Variants in ANK3 observed in about 807,000 individuals in gnomAD.
ANK3 encodes ankyrin-3.
A neutral mutation model predicts 370.9 loss-of-function variants in ANK3; 57 were observed. The observed-to-expected ratio is 0.15, with a 90% CI of 0.12 to 0.19. The LOEUF (loss-of-function observed/expected upper bound fraction) is 0.19. Ranked by LOEUF, ANK3 falls within the 10% of genes least tolerant of loss-of-function variation. The probability of loss-of-function intolerance (pLI) is 1.00; values close to 1 mark genes in which losing one functional copy is unlikely to be tolerated. For missense variants in ANK3, 4,439 were observed against 5,302.1 expected (o/e 0.84, Z 5.06); for synonymous variants, 1,929 against 1,946.3 (o/e 0.99, Z 0.23).
Position 60,055,691 on chromosome 10 carries a change from A to C in ANK3, c.13032T>G (p.His4344Gln). Reference protein sequence around the residue: ...PADGKPRLSLHEEEGSSGSEQ... With the variant: ...PADGKPRLSLQEEEGSSGSEQ... ...CAGACCCACTGGACCCCTCTTCTTC[A>C]TGGAGGCTAAGCCTTGGCTTGCCAT... The change falls in exon 42 of 44, where the codon CAT becomes CAG. Residue 4344 changes from histidine (H) to glutamine (Q), a missense_variant. Transcript: ENST00000280772. The C allele has an allele frequency of 6.2e-7, 1 of 1,613,274 alleles. No homozygotes were observed. The highest frequency in any genetic ancestry group is 1.1e-5 in the South Asian group (1 of 91,008).
intron 2 of ANK3, among the ~76,000 whole-genome samples, chr10:60,570,805 G>A (rs1326448825): frequency 2.6e-5 from 4 of 152,108 alleles, no homozygotes; most frequent in African/African-American, 7.2e-5. Flanking sequence ...AACCTCATAT[G>A]AGGAGACATG....
intron 31 of ANK3, 72 bp from the exon 32 acceptor site, chr10:60,084,902 T>G: frequency 8.5e-7 from 1 of 1,172,468 alleles, no homozygotes; most frequent in Non-Finnish European, 1.2e-6. Flanking sequence ...GACTCACAAT[T>G]AAAAAAATCA....
At chr10:60,730,227 C>G (rs956686251) in intron 1 of ANK3, among the ~76,000 whole-genome samples, 1 of 152,074 alleles carries the variant, frequency 6.6e-6, no homozygotes, top group Non-Finnish European at 1.5e-5. Flanking sequence ...GCATGAGTAT[C>G]ACTTACTGTG....
chr10:60,408,456 G>A (rs1283304917), intron 2 of ANK3, among the ~76,000 whole-genome samples: 1 of 152,112 alleles, frequency 6.6e-6, no homozygotes, highest in Admixed American at 6.6e-5. Context: ...ATGTGAAGAT[G>A]CTCGCTCCTG....
At chr10:60,137,388 A>AAAAAAC (rs1392521789) in intron 24 of ANK3, 3 of 367,690 alleles carry the variant, frequency 8.2e-6, no homozygotes, top group African/African-American at 2.2e-5. Flanking sequence ...AAAAAAAAAA[A>AAAAAAC]AAAACAAGAA....
At chr10:60,718,665 T>G (rs2079822215) in intron 1 of ANK3, among the ~76,000 whole-genome samples, 1 of 152,148 alleles carries the variant, frequency 6.6e-6, no homozygotes, top group Non-Finnish European at 1.5e-5. Context: ...ACCAAAAACC[T>G]TAACTAGGGA....
chr10:60,726,425 A>G (rs2079941773), intron 1 of ANK3, among the ~76,000 whole-genome samples: 1 of 152,238 alleles, frequency 6.6e-6, no homozygotes. Context: ...AAGGTTCAAC[A>G]GTAAACACTA....
At position 60,068,859 on chromosome 10, in the gene ANK3, A is replaced by G. The variant is rs1229951495; in HGVS notation, c.12022T>C (p.Leu4008=). ...TCAGAGAGGCGGTCCACAAGCTTTA[A>G]GGTCTCACCACTAATTCCCTTAAAA... The part of the protein sequence containing the change: ...EYFKGISGET[L]KLVDRLSEEE... The change falls in exon 37 of 44, where the codon TTA becomes CTA. Residue 4008 remains leucine, a synonymous_variant. Coordinates refer to ENST00000280772, the MANE Select transcript of ANK3 (RefSeq NM_020987.5). The G allele has an allele frequency of 7.4e-6, 12 of 1,613,982 alleles. No homozygotes were observed. In the African/African-American group the frequency reaches 1.2e-4, roughly 16 times the overall value.
chr10:60,355,390 G>A (rs529643635), intron 1 of ANK3, among the ~76,000 whole-genome samples: 1 of 152,028 alleles, frequency 6.6e-6, no homozygotes, highest in Non-Finnish European at 1.5e-5. Context: ...TTTAGCTTTT[G>A]TGCCACTGTC....
At chr10:60,210,298 G>C (rs1316514486) in intron 9 of ANK3, among the ~76,000 whole-genome samples, 1 of 152,118 alleles carries the variant, frequency 6.6e-6, no homozygotes, top group East Asian at 1.9e-4. Flanking sequence ...TGGCCAGATG[G>C]CACTGGCAGG....
intron 2 of ANK3, among the ~76,000 whole-genome samples, chr10:60,421,600 G>C (rs1419708078): frequency 1.3e-5 from 2 of 151,914 alleles, no homozygotes; most frequent in Non-Finnish European, 2.9e-5. Context: ...ATAGTGGCAT[G>C]GTCTTGTGAC....
At chr10:60,036,433 T>TC (rs1378134808) in intron 43 of ANK3, among the ~76,000 whole-genome samples, 1 of 77,188 alleles carries the variant, frequency 1.3e-5, no homozygotes, top group East Asian at 2.4e-4. Context: ...TTTTTTTTTT[T>TC]TTTTTTTTTT....
At chr10:60,148,580 T>TA (rs1240188000) in intron 23 of ANK3, among the ~76,000 whole-genome samples, 1 of 152,210 alleles carries the variant, frequency 6.6e-6, no homozygotes, top group East Asian at 1.9e-4. Context: ...TTCTTATTAG[T>TA]ACTCCTTAAC....
intron 1 of ANK3, among the ~76,000 whole-genome samples, chr10:60,620,217 C>G (rs2078317102): frequency 2.0e-5 from 3 of 152,030 alleles, no homozygotes; most frequent in African/African-American, 7.2e-5. Context: ...ACATTTCCAG[C>G]TAGTCAATGT....
At chr10:60,063,016 TCA>T (rs2080905466) in intron 40 of ANK3, 93 bp downstream of exon 40, 1 of 1,270,756 alleles carries the variant, frequency 7.9e-7, no homozygotes, top group African/African-American at 1.5e-5. Flanking sequence ...GTCAAGCAAA[TCA>T]CAGTTTAGTT....
chr10:60,221,996 C>T (rs538362636), intron 8 of ANK3, among the ~76,000 whole-genome samples: 3 of 152,322 alleles, frequency 2.0e-5, no homozygotes, highest in African/African-American at 7.2e-5. Flanking sequence ...GCTGTTTCCC[C>T]AAGGTACAAC....
intron 2 of ANK3, among the ~76,000 whole-genome samples, chr10:60,541,328 G>A (rs989184813): frequency 6.6e-6 from 1 of 151,936 alleles, no homozygotes; most frequent in African/African-American, 2.4e-5. Flanking sequence ...TTTCTTGCTA[G>A]TAGGCATCAC....
intron 2 of ANK3, among the ~76,000 whole-genome samples, chr10:60,564,421 C>T (rs1270500448): frequency 6.6e-6 from 1 of 152,142 alleles, no homozygotes; most frequent in Non-Finnish European, 1.5e-5. Flanking sequence ...AGAGCAGTAG[C>T]AATCAAATTA....
chr10:60,708,250 A>G (rs2079648065), intron 1 of ANK3, among the ~76,000 whole-genome samples: 1 of 152,236 alleles, frequency 6.6e-6, no homozygotes, highest in Admixed American at 6.5e-5. Context: ...CTGCTGTAAC[A>G]GGTAGACAAT....
Sources: allele counts gnomAD v4.1 joint callset (sites outside exome capture counted in the v4.1 genomes callset), GRCh38; gene constraint gnomAD v4.1.1; transcripts MANE v1.5; gene names NCBI Gene and HGNC (gene_info 2026-07-23, HGNC 2026-07-21).